BFSP2: variants seen among roughly 807,000 people sequenced by gnomAD.
The protein encoded by BFSP2 is beaded filament structural protein 2.
BFSP2 carries 38 observed loss-of-function variants against 44.9 expected under a neutral mutation model. The observed-to-expected ratio is 0.85, with a 90% CI of 0.65 to 1.11. BFSP2 has a LOEUF of 1.11. BFSP2 is among the 50% of genes least tolerant of loss of function. The pLI is 0.00. For synonymous variants in BFSP2, 197 were observed against 209.9 expected, an observed-to-expected ratio of 0.94 and a Z score of 0.53; for missense variants, 525 against 533.0, an observed-to-expected ratio of 0.99 and a Z score of 0.15.
chr3:133,442,129 G>C (rs996117644), intron 1 of BFSP2, among the ~76,000 whole-genome samples: 54 of 152,260 alleles, frequency 3.5e-4, no homozygotes, highest in African/African-American at 1.2e-3. Context: ...GTTTTGTTTT[G>C]TTTTGTGTGT....
chr3:133,415,006 T>C (rs1188328116), intron 1 of BFSP2, among the ~76,000 whole-genome samples: 24 of 84,816 alleles, frequency 2.8e-4, no homozygotes, highest in South Asian at 9.6e-4. Context: ...TTGTCCTCTC[T>C]CCTCTACTCA....
At chr3:133,462,169 C>A (rs2074070309) in intron 4 of BFSP2, among the ~76,000 whole-genome samples, 1 of 152,190 alleles carries the variant, frequency 6.6e-6, no homozygotes, top group Non-Finnish European at 1.5e-5. Flanking sequence ...GCGCATTTAA[C>A]CTATAGTTTC....
chr3:133,451,043 G>A (rs187786923), intron 4 of BFSP2, among the ~76,000 whole-genome samples: 1 of 150,004 alleles, frequency 6.7e-6, no homozygotes, highest in African/African-American at 2.5e-5. Context: ...CCTGGGAGGC[G>A]GAGCTTGTAG....
intron 1 of BFSP2, among the ~76,000 whole-genome samples, chr3:133,424,746 A>T (rs1453277741): frequency 1.3e-5 from 2 of 152,078 alleles, no homozygotes; most frequent in Non-Finnish European, 2.9e-5. Flanking sequence ...AGCAATTCTC[A>T]TGCCTCAGCC....
intron 1 of BFSP2, among the ~76,000 whole-genome samples, chr3:133,424,216 T>TGTGTGTGTGTGTG (rs1559963358): frequency 2.8e-4 from 14 of 49,414 alleles, no homozygotes; most frequent in African/African-American, 1.0e-3. Context: ...CAGCTAATTT[T>TGTGTGTGTGTGTG]TTTTTTTTTT....
At chr3:133,413,802 A>G (rs1469061898) in intron 1 of BFSP2, among the ~76,000 whole-genome samples, 1 of 151,974 alleles carries the variant, frequency 6.6e-6, no homozygotes, top group Non-Finnish European at 1.5e-5. Flanking sequence ...ACTGGAAAAC[A>G]ACTTGTCCTT....
intron 4 of BFSP2, among the ~76,000 whole-genome samples, chr3:133,450,998 C>G (rs1188845148): frequency 6.6e-6 from 1 of 151,116 alleles, no homozygotes; most frequent in Non-Finnish European, 1.5e-5. Context: ...GTAGTCCCCG[C>G]TACTCGGGAG....
In BFSP2 at chr3:133,431,607, G is replaced by A. The variant is rs551395338; in HGVS notation, c.490-15710G>A. On this transcript the variant is annotated intron_variant, in intron 1 of 6. Coordinates refer to ENST00000302334, the MANE Select transcript of BFSP2 (RefSeq NM_003571.4). ...TAGCGGCTGAAGACTGATGCTGCCC[G>A]ATCGCCTCAGAAGCCCCGCAGACCA... Among the ~76,000 whole-genome samples the A allele has an allele frequency of 1.5e-3, 231 of 152,278 alleles. 1 individual carries two copies. Among genetic ancestry groups the A allele is most frequent in the African/African-American group, 4.8e-3 (201 of 41,548 alleles).
intron 1 of BFSP2, among the ~76,000 whole-genome samples, chr3:133,414,479 A>C (rs1340501781): frequency 2.2e-4 from 9 of 41,310 alleles, no homozygotes; most frequent in Non-Finnish European, 2.6e-4. Flanking sequence ...TCTCTCCTCT[A>C]CTCACCCCTG....
At chr3:133,442,689 T>G (rs947527398) in intron 1 of BFSP2, among the ~76,000 whole-genome samples, 1 of 151,942 alleles carries the variant, frequency 6.6e-6, no homozygotes, top group African/African-American at 2.4e-5. Context: ...AGATACATTG[T>G]GGGGGTAGAA....
At position 133,456,437 on chromosome 3, in the gene BFSP2, G is replaced by A. The variant is rs528953897; in HGVS notation, c.891+5973G>A. On this transcript the variant is annotated intron_variant, in intron 4 of 6. Coordinates refer to ENST00000302334, the MANE Select transcript of BFSP2 (RefSeq NM_003571.4). Reference sequence around the variant, plus strand: ...ATTCTATAATCCATGCAGCAATCCGGTATGGTAGCTACTGGCCTCAAGGGG... The same window carrying A: ...ATTCTATAATCCATGCAGCAATCCGATATGGTAGCTACTGGCCTCAAGGGG... Among the ~76,000 whole-genome samples the A allele has an allele frequency of 1.2e-4, 18 of 152,278 alleles. No individual in the cohort carries two copies. In the East Asian group the frequency reaches 3.1e-3, roughly 26 times the overall value.
intron 4 of BFSP2, among the ~76,000 whole-genome samples, chr3:133,456,230 C>T (rs2074011688): frequency 6.6e-6 from 1 of 152,186 alleles, no homozygotes; most frequent in South Asian, 2.1e-4. Flanking sequence ...TGAGCTGTAA[C>T]CATCATGCCT....
chr3:133,466,730 GT>G, intron 4 of BFSP2, 97 bp from the exon 5 acceptor site: 1 of 917,424 alleles, frequency 1.1e-6, no homozygotes, highest in Non-Finnish European at 1.7e-6. Flanking sequence ...ATTTCCTCTG[GT>G]TAGAGGCAGT....
intron 1 of BFSP2, among the ~76,000 whole-genome samples, chr3:133,425,853 G>GAAGGGAAGGGAAATAAAGAAGGGAATC (rs772194357): frequency 8.7e-6 from 1 of 114,472 alleles, no homozygotes; most frequent in African/African-American, 4.2e-5. Context: ...AGAAGGGAAA[G>GAAGGGAAGGGAAATAAAGAAGGGAATC]GAAGGGAAGG....
In BFSP2 at chr3:133,446,628, A is replaced by T. The variant is rs1242783747; in HGVS notation, c.490-689A>T. Among the ~76,000 whole-genome samples the T allele has an allele frequency of 3.3e-5, 2 of 61,160 alleles. 1 individual carries two copies. The highest frequency in any genetic ancestry group is 1.5e-4 in the African/African-American group (2 of 13,036). 40.1% of individuals were successfully genotyped at this position (61,160 alleles called of 152,430 possible). A position where few individuals can be genotyped will look rare whatever the true frequency, so the allele number is the denominator to read the frequency against. ...TATATATATATATATATATATATAT[A>T]TATATATATATAAAGGAGTTTCTTG... On this transcript the variant is annotated intron_variant, in intron 1 of 6. Transcript: ENST00000302334.
At chr3:133,444,529 G>T (rs1354610023) in intron 1 of BFSP2, among the ~76,000 whole-genome samples, 1 of 152,118 alleles carries the variant, frequency 6.6e-6, no homozygotes, top group Non-Finnish European at 1.5e-5. Context: ...ACTAAATGTG[G>T]TAAGAGAGGG....
At chr3:133,410,888 A>G (rs1245655124) in intron 1 of BFSP2, 1 of 156,664 alleles carries the variant, frequency 6.4e-6, no homozygotes, top group Non-Finnish European at 1.5e-5. Flanking sequence ...GAAGCAATTG[A>G]ACATGAAATT....
At chr3:133,437,969 C>T (rs572281156) in intron 1 of BFSP2, among the ~76,000 whole-genome samples, 30 of 152,328 alleles carry the variant, frequency 2.0e-4, no homozygotes, top group African/African-American at 7.2e-4. Context: ...AGTAATTAAA[C>T]TGATTTTTTG....
intron 1 of BFSP2, among the ~76,000 whole-genome samples, chr3:133,407,222 A>G (rs549863674): frequency 6.6e-6 from 1 of 152,244 alleles, no homozygotes; most frequent in Non-Finnish European, 1.5e-5. Flanking sequence ...CTCAAAACAA[A>G]TAACAAACAA....
Sources: gnomAD v4.1 joint callset for allele counts (sites outside exome capture counted in the v4.1 genomes callset) on GRCh38, gnomAD v4.1.1 for gene constraint, MANE v1.5 for transcripts, NCBI Gene and HGNC (gene_info 2026-07-23, HGNC 2026-07-21) for gene names.